Variants in INO80 observed in about 807,000 individuals in gnomAD.
INO80 encodes the protein chromatin-remodeling ATPase INO80.
Under a neutral mutation model 203.4 loss-of-function variants are expected in INO80, and 20 were observed. The observed-to-expected ratio is 0.10, with a 90% confidence interval of 0.07 to 0.14. The LOEUF (loss-of-function observed/expected upper bound fraction) is 0.14, where lower values mean the gene tolerates loss of function less well. INO80 is among the 10% of genes least tolerant of loss of function. The pLI is 1.00. For synonymous variants in INO80, 726 were observed against 685.2 expected (o/e 1.06, Z -0.93); for missense variants, 1,419 against 1,914.4 (o/e 0.74, Z 4.83).
chr15:41,097,431 G>A (rs2045742583), intron 1 of INO80, among the ~76,000 whole-genome samples: 1 of 152,112 alleles, frequency 6.6e-6, no homozygotes, highest in African/African-American at 2.4e-5. Flanking sequence ...ACTAAATAAT[G>A]ACATAATTTA....
At chr15:41,089,266 G>A (rs2045601385) in intron 5 of INO80, among the ~76,000 whole-genome samples, 2 of 152,144 alleles carry the variant, frequency 1.3e-5, no homozygotes, top group Admixed American at 1.3e-4. Flanking sequence ...TACTGCTGGA[G>A]TTTAAGAAGG....
chr15:41,099,534 C>T (rs2045776797), intron 1 of INO80, among the ~76,000 whole-genome samples: 1 of 152,010 alleles, frequency 6.6e-6, no homozygotes, highest in Non-Finnish European at 1.5e-5. Flanking sequence ...GTAATCCCAG[C>T]ACTTTGGGAG....
chr15:41,049,145 T>TC (rs962270465), intron 21 of INO80, 142 bp downstream of exon 21: 1 of 649,676 alleles, frequency 1.5e-6, no homozygotes, highest in Non-Finnish European at 2.5e-6. Context: ...TTCCATAAGA[T>TC]CCCTCAACAA....
At chr15:41,073,380 G>T in intron 11 of INO80, 48 bp downstream of exon 11, 1 of 1,445,338 alleles carries the variant, frequency 6.9e-7, no homozygotes, top group Non-Finnish European at 9.7e-7. Flanking sequence ...AGGCTTGTGG[G>T]GTATTTCCAG....
intron 19 of INO80, among the ~76,000 whole-genome samples, chr15:41,050,428 A>G (rs2044849921): frequency 6.6e-6 from 1 of 152,216 alleles, no homozygotes; most frequent in South Asian, 2.1e-4. Context: ...TACTAACTCT[A>G]AGAGTACCAC....
At chr15:41,069,759 A>C in intron 13 of INO80, 94 bp from the exon 14 acceptor site, 1 of 700,026 alleles carries the variant, frequency 1.4e-6, no homozygotes, top group Non-Finnish European at 2.4e-6. Context: ...TAAGAATAGG[A>C]AACAAATAAC....
rs775668699 is a variant in INO80 at position 41,095,797 on chromosome 15, A to G, written c.275T>C (p.Met92Thr). 6.2e-7 allele frequency: 1 copy of G among 1,614,184 alleles called. No homozygotes were observed. The highest frequency in any genetic ancestry group is 8.5e-7 in the Non-Finnish European group (1 of 1,180,032). Reference protein sequence around the residue: ...GETSGAGSSGMLNTYSLNGVL... With the variant: ...GETSGAGSSGTLNTYSLNGVL... Reference sequence around the variant, plus strand: ...TCCATTCAGAGAATATGTGTTTAACATTCCAGAACTGCCTGCTCCAGAAGT... The same window carrying G: ...TCCATTCAGAGAATATGTGTTTAACGTTCCAGAACTGCCTGCTCCAGAAGT... Residue 92 changes from methionine to threonine, a missense_variant, in exon 3 of 36, where the codon ATG (methionine) becomes ACG (threonine). Met to Thr is a moderately conservative substitution (Grantham distance 81). This residue lies in a region of INO80 where 323 missense variants were observed against 325.4 expected (regional missense o/e 0.99). Coordinates refer to ENST00000648947, the MANE Select transcript of INO80 (RefSeq NM_017553.3).
chr15:40,981,708 G>GTACTT (rs1893838410), intron 35 of INO80, among the ~76,000 whole-genome samples: 1 of 152,168 alleles, frequency 6.6e-6, no homozygotes, highest in African/African-American at 2.4e-5. Flanking sequence ...CAAATGTCCT[G>GTACTT]TACTTTATAG....
intron 24 of INO80, among the ~76,000 whole-genome samples, chr15:41,035,526 TA>T (rs751407826): frequency 0.014 from 1,898 of 131,784 alleles, 13 homozygotes; most frequent in South Asian, 0.021. Flanking sequence ...ACTACATCTC[TA>T]AAAAAAAAAA....
At chr15:41,059,568 T>C (rs752434158) in intron 15 of INO80, among the ~76,000 whole-genome samples, 2 of 150,570 alleles carry the variant, frequency 1.3e-5, no homozygotes, top group Non-Finnish European at 2.9e-5. Context: ...GGTGGGAGGA[T>C]TGCTTGAGCC....
At chr15:41,003,331 TTTC>T (rs1566906575) in intron 28 of INO80, among the ~76,000 whole-genome samples, 3 of 117,542 alleles carry the variant, frequency 2.6e-5, no homozygotes, top group Admixed American at 8.7e-5. Flanking sequence ...TTTCTTTTCT[TTTC>T]TTTTTTTTTT....
chr15:41,053,394 C>A (rs1008678799), intron 19 of INO80, among the ~76,000 whole-genome samples: 1 of 152,130 alleles, frequency 6.6e-6, no homozygotes, highest in Non-Finnish European at 1.5e-5. Context: ...CATGAGCCAC[C>A]GTGCCCGGCT....
At position 41,031,745 on chromosome 15, in the gene INO80, T is replaced by C. The variant is rs553433264; in HGVS notation, c.2908-4009A>G. On this transcript the variant is annotated intron_variant, in intron 24 of 35. Transcript: ENST00000648947. Reference sequence around the variant, plus strand: ...TCCCTTTCTCATGCTCTTGAATGTCTCATTACCCCGGAAGCACTGGCAGAT... The same window carrying C: ...TCCCTTTCTCATGCTCTTGAATGTCCCATTACCCCGGAAGCACTGGCAGAT... Among the ~76,000 whole-genome samples, 29 of 152,010 alleles carry C rather than the reference T, an allele frequency of 1.9e-4. 1 individual carries two copies. The highest frequency in any genetic ancestry group is 3.4e-3 in the Middle Eastern group (1 of 294).
chr15:41,055,060 G>A (rs2044958214), intron 18 of INO80, among the ~76,000 whole-genome samples, 187 bp downstream of exon 18: 1 of 152,104 alleles, frequency 6.6e-6, no homozygotes, highest in Non-Finnish European at 1.5e-5. Context: ...ATCTAAATTA[G>A]TTCTTTTTTG....
intron 12 of INO80, 46 bp downstream of exon 12, chr15:41,071,803 T>C: frequency 6.7e-7 from 1 of 1,501,694 alleles, no homozygotes; most frequent in East Asian, 2.3e-5. Context: ...CAAATGACTT[T>C]AGGAAAAGAG....
intron 29 of INO80, 31 bp from the exon 30 acceptor site, chr15:40,988,005 T>C (rs1363973220): frequency 6.3e-7 from 1 of 1,578,748 alleles, no homozygotes; most frequent in African/African-American, 1.4e-5. Context: ...ACTGAAGCAC[T>C]CTTAGGGAAG....
At chr15:40,998,428 C>A (rs2043910539) in intron 28 of INO80, among the ~76,000 whole-genome samples, 1 of 152,074 alleles carries the variant, frequency 6.6e-6, no homozygotes, top group South Asian at 2.1e-4. Context: ...TAGGATCAGT[C>A]CATGAAGACA....
intron 25 of INO80, among the ~76,000 whole-genome samples, chr15:41,027,225 A>G (rs2044388811): frequency 6.6e-6 from 1 of 152,082 alleles, no homozygotes; most frequent in South Asian, 2.1e-4. Context: ...TACCAATCTG[A>G]CGCCCTCTCA....
At chr15:40,980,786 AACAGGTTTTTCCTTTCTTCTTT>A (rs1287644943) in intron 35 of INO80, among the ~76,000 whole-genome samples, 10 of 152,226 alleles carry the variant, frequency 6.6e-5, no homozygotes, top group African/African-American at 2.4e-4. Context: ...ACTAGGCACA[AACAGGTTTTTCCTTTCTTCTTT>A]CTTGGAACAT....
Sources: gnomAD v4.1 joint callset for allele counts (sites outside exome capture counted in the v4.1 genomes callset) on GRCh38, gnomAD v4.1.1 for gene constraint, gnomAD v4.1.1 regional missense constraint, MANE v1.5 for transcripts, NCBI Gene and HGNC (gene_info 2026-07-23, HGNC 2026-07-21) for gene names.